Variants in MAN2A1 observed in about 807,000 individuals in gnomAD.
MAN2A1 encodes the protein mannosidase alpha class 2A member 1.
MAN2A1 carries 76 observed loss-of-function variants against 142.6 expected under a neutral mutation model. That is an observed-to-expected ratio of 0.53 (90% CI 0.44 to 0.65). The LOEUF (loss-of-function observed/expected upper bound fraction) is 0.65. Ranked by LOEUF, MAN2A1 falls within the 30% of genes least tolerant of loss-of-function variation. The pLI, the probability that MAN2A1 is intolerant of heterozygous loss-of-function variation, is 0.00. For synonymous variants in MAN2A1, 559 were observed against 473.2 expected, an observed-to-expected ratio of 1.18 and a Z score of -2.35; for missense variants, 1,311 against 1,365.1, an observed-to-expected ratio of 0.96 and a Z score of 0.62.
chr5:109,855,125 G>A lies in MAN2A1; in HGVS notation c.2977-15G>A. 1 of 1,489,992 alleles carries A rather than the reference G, an allele frequency of 6.7e-7. No individual in the cohort carries two copies. Among genetic ancestry groups the A allele is most frequent in the African/African-American group, 1.4e-5 (1 of 70,424 alleles). The allele number at this position is 1,489,992 out of a possible 1,614,324, so 92.3% of individuals were successfully genotyped here. A position where few individuals can be genotyped will look rare whatever the true frequency, so the allele number is the denominator to read the frequency against. On this transcript the variant is annotated splice_polypyrimidine_tract_variant and intron_variant, in intron 19 of 21. Transcript: ENST00000261483. ...AAATATAGACCTCTTAAACATTTTT[G>A]TTTTTTCTTGATAGGAAGAAGAAAA...
chr5:109,755,215 A>G (rs566875191), intron 4 of MAN2A1, 114 bp from the exon 5 acceptor site: 10 of 765,904 alleles, frequency 1.3e-5, no homozygotes, highest in African/African-American at 5.3e-5. Flanking sequence ...TTTGACAACT[A>G]GTATACATAC....
chr5:109,814,636 A>G (rs932852198), intron 12 of MAN2A1, among the ~76,000 whole-genome samples: 2 of 152,224 alleles, frequency 1.3e-5, no homozygotes, highest in Non-Finnish European at 2.9e-5. Flanking sequence ...ATCATTCAGT[A>G]CAGTAGAAAC....
rs764655067 is a variant in MAN2A1 at position 109,713,728 on chromosome 5, A to T, written c.344A>T (p.Asp115Val). The T allele has an allele frequency of 5.0e-6, 8 of 1,613,932 alleles. No individual in the cohort carries two copies. The highest frequency in any genetic ancestry group is 5.9e-6 in the Non-Finnish European group (7 of 1,179,984). Residue 115 changes from aspartate (D) to valine (V), a missense_variant, in exon 2 of 22, where the codon GAC becomes GTC. Coordinates refer to ENST00000261483, the MANE Select transcript of MAN2A1 (RefSeq NM_002372.4). ...TTATCCCTCTCAGTTGACACTGCAG[A>T]CTGTCTGTTTGCTTCACAAAGTGGA... ...SQLSLSVDTA[D>V]CLFASQSGSH...
intron 4 of MAN2A1, among the ~76,000 whole-genome samples, chr5:109,741,465 T>C (rs1272171985): frequency 6.6e-6 from 1 of 152,242 alleles, no homozygotes; most frequent in Non-Finnish European, 1.5e-5. Context: ...GCATTACTAA[T>C]AGATTTTTTT....
chr5:109,725,848 G>A (rs1751729031), intron 3 of MAN2A1, among the ~76,000 whole-genome samples: 1 of 151,970 alleles, frequency 6.6e-6, no homozygotes, highest in Non-Finnish European at 1.5e-5. Context: ...GTGCTTAATT[G>A]TTCATGAACA....
chr5:109,867,061 A>G lies in MAN2A1; in HGVS notation c.*63A>G. On this transcript the variant is annotated 3_prime_UTR_variant, in exon 22 of 22. Coordinates refer to ENST00000261483, the MANE Select transcript of MAN2A1 (RefSeq NM_002372.4). ...TTATACCTTTCTTGGTTTGACGTGC[A>G]ATAAAGAAGCACATTATTTTAGCTT... is the stretch of plus-strand genomic sequence containing the variant. 7.4e-7 allele frequency: 1 copy of G among 1,351,964 alleles called. No homozygotes were observed. The highest frequency in any genetic ancestry group is 1.0e-6 in the Non-Finnish European group (1 of 986,206). 83.7% of individuals were successfully genotyped at this position (1,351,964 alleles called of 1,614,324 possible).
chr5:109,866,386 T>C lies in MAN2A1; in HGVS notation c.3283-460T>C, dbSNP rs561203602. Among the ~76,000 whole-genome samples, 36 of 152,096 alleles carry C rather than the reference T, an allele frequency of 2.4e-4. 1 individual carries two copies. The South Asian group carries it at 7.2e-3, about 31-fold the overall frequency. ...TGTAGTGAGCCTGTGTGCTCTCTCT[T>C]AACTCTGTTGGAACAGGAAAAAGTG... is the stretch of plus-strand genomic sequence containing the variant. On this transcript the variant is annotated intron_variant, in intron 21 of 21. Coordinates refer to ENST00000261483, the MANE Select transcript of MAN2A1 (RefSeq NM_002372.4).
intron 19 of MAN2A1, among the ~76,000 whole-genome samples, chr5:109,851,702 C>T (rs145933548): frequency 6.8e-4 from 104 of 152,216 alleles, no homozygotes; most frequent in African/African-American, 2.3e-3. Flanking sequence ...GCATTGACGG[C>T]TTTAGGATTT....
intron 1 of MAN2A1, among the ~76,000 whole-genome samples, chr5:109,706,536 C>G (rs575311166): frequency 6.6e-6 from 1 of 152,234 alleles, no homozygotes; most frequent in South Asian, 2.1e-4. Flanking sequence ...CCAATAAGTG[C>G]GGAAACTAGT....
At chr5:109,833,705 GA>G in intron 16 of MAN2A1, among the ~76,000 whole-genome samples, 13 of 147,762 alleles carry the variant, frequency 8.8e-5, no homozygotes, top group African/African-American at 3.2e-4. Context: ...GGGGGAGGGG[GA>G]GGGGGAGAGG....
intron 4 of MAN2A1, among the ~76,000 whole-genome samples, chr5:109,735,861 T>G (rs1303083858): frequency 1.3e-5 from 2 of 150,518 alleles, no homozygotes; most frequent in African/African-American, 2.4e-5. Flanking sequence ...AATTGACTTT[T>G]TATAATTTCC....
At chr5:109,760,962 T>C (rs1752826801) in intron 5 of MAN2A1, among the ~76,000 whole-genome samples, 1 of 151,962 alleles carries the variant, frequency 6.6e-6, no homozygotes, top group Non-Finnish European at 1.5e-5. Flanking sequence ...TATGAGCACT[T>C]TGTCACATAT....
At chr5:109,862,720 A>G (rs1289389035) in intron 20 of MAN2A1, 1 of 152,206 alleles carries the variant, frequency 6.6e-6, no homozygotes. Flanking sequence ...TAAAATGTCT[A>G]GACAGACTTT....
intron 12 of MAN2A1, among the ~76,000 whole-genome samples, chr5:109,805,776 G>A (rs2112703938): frequency 6.6e-6 from 1 of 152,298 alleles, no homozygotes; most frequent in South Asian, 2.1e-4. Flanking sequence ...CATTTATAAA[G>A]CAATCATTTG....
At chr5:109,840,592 C>A in intron 16 of MAN2A1, 1 of 495,996 alleles carries the variant, frequency 2.0e-6, no homozygotes, top group South Asian at 1.5e-5. Context: ...ACAACAGGGC[C>A]ATCTTCTGCC....
intron 15 of MAN2A1, among the ~76,000 whole-genome samples, chr5:109,820,739 GT>G (rs1230299175): frequency 1.3e-5 from 2 of 152,176 alleles, no homozygotes; most frequent in Non-Finnish European, 2.9e-5. Flanking sequence ...CCGGAAGGCA[GT>G]TGCAGTGAGC....
At chr5:109,790,361 A>G (rs1753706574) in intron 12 of MAN2A1, among the ~76,000 whole-genome samples, 1 of 151,962 alleles carries the variant, frequency 6.6e-6, no homozygotes, top group South Asian at 2.1e-4. Context: ...TATAGTTGCT[A>G]GTAAAGTTGA....
chr5:109,713,993 A>G (rs1459097713), intron 2 of MAN2A1, among the ~76,000 whole-genome samples: 3 of 152,076 alleles, frequency 2.0e-5, no homozygotes, highest in Non-Finnish European at 2.9e-5. Context: ...ACTATTTTAT[A>G]CTTACGTGAA....
chr5:109,848,629 C>T (rs1755402137), intron 19 of MAN2A1, among the ~76,000 whole-genome samples: 1 of 152,124 alleles, frequency 6.6e-6, no homozygotes, highest in African/African-American at 2.4e-5. Context: ...AGGCAGGTCC[C>T]ACCACTTGTC....
Sources: allele counts gnomAD v4.1 joint callset (sites outside exome capture counted in the v4.1 genomes callset), GRCh38; gene constraint gnomAD v4.1.1; transcripts MANE v1.5; gene names NCBI Gene and HGNC (gene_info 2026-07-23, HGNC 2026-07-21).